Variants in ABCG2 observed in about 807,000 individuals in gnomAD.
ABCG2 encodes the protein broad substrate specificity ATP-binding cassette transporter ABCG2.
ABCG2 carries 80 observed loss-of-function variants against 73.5 expected under a neutral mutation model. The ratio of observed to expected loss-of-function variants is 1.09; its 90% CI spans 0.91 to 1.31. The LOEUF is 1.31. Among genes scored for constraint, ABCG2 ranks in the 50% most tolerant of loss-of-function variants. ABCG2 has a pLI of 0.00. For missense variants in ABCG2, 796 were observed against 786.2 expected (o/e 1.01, Z -0.15); for synonymous variants, 269 against 282.4 (o/e 0.95, Z 0.48).
rs55760486 is a variant in ABCG2 at position 88,098,645 on chromosome 4, G to GAGATAGATAGATAGATAGATAGAT, written c.1492+655_1492+678dup. On this transcript the variant is annotated intron_variant, in intron 12 of 15. Coordinates refer to ENST00000237612, the MANE Select transcript of ABCG2 (RefSeq NM_004827.3). ...ATACATATATAGAGAGAGACAGGGA[G>GAGATAGATAGATAGATAGATAGAT]AGATAGATAGATAGATAGATAGATA... is the stretch of plus-strand genomic sequence containing the variant. 2.5e-4 allele frequency among the ~76,000 whole-genome samples: 36 copies of GAGATAGATAGATAGATAGATAGAT among 143,904 alleles called. 1 individual carries two copies. The highest frequency in any genetic ancestry group is 4.6e-4 in the South Asian group (2 of 4,384). The allele number at this position is 143,904 out of a possible 152,430, so 94.4% of individuals were successfully genotyped here.
upstream of ABCG2, among the ~76,000 whole-genome samples, chr4:88,160,889 T>G (rs1490773547): frequency 6.8e-6 from 1 of 147,780 alleles, no homozygotes; most frequent in Non-Finnish European, 1.5e-5. Flanking sequence ...CATAGAAAAT[T>G]GCTGGGCAAG....
At position 88,113,400 on chromosome 4, in the gene ABCG2, T is replaced by A; in HGVS notation, c.1097A>T (p.Glu366Val). 1 of 1,614,158 alleles carries A rather than the reference T, an allele frequency of 6.2e-7. No individual in the cohort carries two copies. Among genetic ancestry groups the A allele is most frequent in the Non-Finnish European group, 8.5e-7 (1 of 1,180,022 alleles). The change falls in exon 9 of 16, where the codon GAG (glutamate) becomes GTG (valine). Residue 366 changes from glutamate (E) to valine (V), a missense_variant. Coordinates refer to ENST00000237612, the MANE Select transcript of ABCG2 (RefSeq NM_004827.3). ...ACAGAAGGAGGTGGTGTAGCTGATC[T>A]CCTTGAAGACTGTGATCTTCTTCTT... is the stretch of plus-strand genomic sequence containing the variant. The part of the protein sequence containing the change: ...EKKKKITVFK[E>V]ISYTTSFCHQ...
chr4:88,188,343 G>C lies in ABCG2; in HGVS notation c.-20+42651C>G, dbSNP rs180777251. Among the ~76,000 whole-genome samples the C allele has an allele frequency of 2.2e-4, 34 of 151,744 alleles. No homozygotes were observed. The East Asian group carries it at 5.8e-3, about 26-fold the overall frequency. On this transcript the variant is annotated intron_variant, in intron 1 of 15. Coordinates refer to the ABCG2 transcript ENST00000515655. ...TTCTATTGCATTGGTCTAAACGTCT[G>C]TCTCTATGCCCATACGACACTATTT...
intron 1 of ABCG2, among the ~76,000 whole-genome samples, chr4:88,184,851 A>C (rs147885673): frequency 6.6e-6 from 1 of 152,216 alleles, no homozygotes; most frequent in African/African-American, 2.4e-5. Flanking sequence ...ATAAAAACAC[A>C]TAGACCAATG....
At chr4:88,159,308 A>G (rs962007900), upstream of ABCG2, 2 of 433,648 alleles carry the variant, frequency 4.6e-6, no homozygotes, top group Admixed American at 2.5e-5. Context: ...GCTCGCACCC[A>G]GAGCAAGTTA....
At chr4:88,227,786 G>T (rs1376708507) in intron 1 of ABCG2, among the ~76,000 whole-genome samples, 2 of 152,154 alleles carry the variant, frequency 1.3e-5, no homozygotes, top group African/African-American at 4.8e-5. Context: ...GTAGAAATAG[G>T]ATTATTTTTA....
intron 1 of ABCG2, among the ~76,000 whole-genome samples, chr4:88,140,574 A>G (rs1284767787): frequency 6.6e-6 from 1 of 152,158 alleles, no homozygotes; most frequent in African/African-American, 2.4e-5. Flanking sequence ...GTGAGCAGAG[A>G]TCGTGCCACT....
Position 88,139,794 on chromosome 4 carries a change from T to A in ABCG2, c.202A>T (p.Asn68Tyr), listed in dbSNP as rs1294004492. The A allele has an allele frequency of 6.2e-7, 1 of 1,612,602 alleles. No individual in the cohort carries two copies. Among genetic ancestry groups the A allele is most frequent in the Non-Finnish European group, 8.5e-7 (1 of 1,179,156 alleles). Residue 68 changes from asparagine to tyrosine, a missense_variant and splice_region_variant, in exon 2 of 16, where the codon AAT becomes TAT. Transcript: ENST00000237612. Reference sequence around the variant, plus strand: ...CTTTTTACAAGTTCATGTACATACTTGATATTCGATAATATTTCTTTCTCA... The same window carrying A: ...CTTTTTACAAGTTCATGTACATACTAGATATTCGATAATATTTCTTTCTCA... ...PVEKEILSNI[N>Y]GIMKPGLNAI...
intron 1 of ABCG2, among the ~76,000 whole-genome samples, chr4:88,178,296 T>C (rs940527430): frequency 4.6e-5 from 7 of 152,168 alleles, no homozygotes; most frequent in Non-Finnish European, 1.0e-4. Context: ...ATAGCATTTC[T>C]AGAAACACCC....
At chr4:88,130,126 A>C (rs151088364) in intron 5 of ABCG2, among the ~76,000 whole-genome samples, 211 of 152,312 alleles carry the variant, frequency 1.4e-3, no homozygotes, top group African/African-American at 4.7e-3. Flanking sequence ...TAGGAAACTG[A>C]AACATATAGA....
intron 2 of ABCG2, among the ~76,000 whole-genome samples, chr4:88,137,165 C>G (rs1325003019): frequency 6.6e-6 from 1 of 152,050 alleles, no homozygotes; most frequent in Non-Finnish European, 1.5e-5. Context: ...GAAGGTAAAA[C>G]ATAATAATGC....
upstream of ABCG2, chr4:88,158,990 C>G (rs1190083241): frequency 1.1e-5 from 4 of 360,274 alleles, no homozygotes; most frequent in Admixed American, 3.5e-5. Flanking sequence ...ACTGCCGGGC[C>G]GCGATAAGCG....
chr4:88,191,174 G>T (rs1728674550), intron 1 of ABCG2, among the ~76,000 whole-genome samples: 1 of 148,410 alleles, frequency 6.7e-6, no homozygotes, highest in South Asian at 2.1e-4. Flanking sequence ...GAACCCAGGA[G>T]GCTGGAGTGC....
chr4:88,227,567 C>A (rs1254412850), intron 1 of ABCG2, among the ~76,000 whole-genome samples: 1 of 152,100 alleles, frequency 6.6e-6, no homozygotes, highest in Non-Finnish European at 1.5e-5. Flanking sequence ...TATTAGAATG[C>A]CAATTCCCAC....
chr4:88,101,475 T>C (rs999433410), intron 10 of ABCG2, among the ~76,000 whole-genome samples, 156 bp from the exon 11 acceptor site: 1 of 152,142 alleles, frequency 6.6e-6, no homozygotes, highest in Non-Finnish European at 1.5e-5. Context: ...GTGAACCCCA[T>C]CAAGCCTCTC....
chr4:88,180,450 CGTT>C (rs1430149158), intron 1 of ABCG2, among the ~76,000 whole-genome samples: 1 of 152,140 alleles, frequency 6.6e-6, no homozygotes, highest in Non-Finnish European at 1.5e-5. Context: ...AAGAAAAAAA[CGTT>C]GGCCAGGTAC....
intron 1 of ABCG2, among the ~76,000 whole-genome samples, chr4:88,200,180 G>A (rs376404344): frequency 1.4e-4 from 21 of 152,014 alleles, no homozygotes; most frequent in Middle Eastern, 3.4e-3. Context: ...CAAAAAATCA[G>A]CCAGGTGTGG....
intron 1 of ABCG2, among the ~76,000 whole-genome samples, chr4:88,176,357 C>T (rs1003845698): frequency 5.9e-5 from 9 of 151,640 alleles, no homozygotes; most frequent in Non-Finnish European, 1.3e-4. Flanking sequence ...CTCTCCTGTT[C>T]TCTTTATAAT....
At chr4:88,226,490 A>C (rs1025671936) in intron 1 of ABCG2, among the ~76,000 whole-genome samples, 4 of 152,350 alleles carry the variant, frequency 2.6e-5, no homozygotes, top group African/African-American at 9.6e-5. Flanking sequence ...ATTGAGCAAG[A>C]CTTAGTGATA....
Sources: gnomAD v4.1 joint callset for allele counts (sites outside exome capture counted in the v4.1 genomes callset) on GRCh38, gnomAD v4.1.1 for gene constraint, MANE v1.5 for transcripts, NCBI Gene and HGNC (gene_info 2026-07-23, HGNC 2026-07-21) for gene names.